NSUN6: variants seen among roughly 807,000 people sequenced by gnomAD.
NSUN6 encodes the protein tRNA (cytosine(72)-C(5))-methyltransferase NSUN6.
A neutral mutation model predicts 58.0 loss-of-function variants in NSUN6; 64 were observed. The observed-to-expected ratio is 1.10, with a 90% CI of 0.90 to 1.36. The LOEUF (loss-of-function observed/expected upper bound fraction) is 1.36. Ranked by LOEUF, NSUN6 falls within the 40% of genes most tolerant of loss-of-function variation. The probability of loss-of-function intolerance (pLI) is 0.00; values close to 1 mark genes in which losing one functional copy is unlikely to be tolerated. For missense variants in NSUN6, 701 were observed against 550.1 expected, an observed-to-expected ratio of 1.27 and a Z score of -2.74; for synonymous variants, 231 against 193.9, an observed-to-expected ratio of 1.19 and a Z score of -1.59.
At chr10:18,647,650 T>C (rs565933590) in intron 2 of NSUN6, among the ~76,000 whole-genome samples, 34 of 152,216 alleles carry the variant, frequency 2.2e-4, no homozygotes, top group South Asian at 4.1e-4. Flanking sequence ...TCTCATGCTG[T>C]TTTACATTGA....
intron 8 of NSUN6, among the ~76,000 whole-genome samples, chr10:18,582,976 C>T (rs1025822816): frequency 2.6e-5 from 4 of 152,162 alleles, no homozygotes; most frequent in African/African-American, 9.7e-5. Flanking sequence ...CGAAGCTCAG[C>T]CATTATAACC....
At chr10:18,620,774 C>A (rs893343873) in intron 3 of NSUN6, among the ~76,000 whole-genome samples, 6 of 152,242 alleles carry the variant, frequency 3.9e-5, no homozygotes, top group African/African-American at 1.4e-4. Flanking sequence ...TCATAACAGT[C>A]TGACTTGTAC....
chr10:18,654,702 A>C (rs1046644537), upstream of NSUN6: 1 of 152,092 alleles, frequency 6.6e-6, no homozygotes, highest in Non-Finnish European at 1.5e-5. Context: ...TCAATATGTA[A>C]AACCCCATCT....
intron 8 of NSUN6, among the ~76,000 whole-genome samples, chr10:18,576,892 A>C (rs1482070569): frequency 6.6e-6 from 1 of 152,212 alleles, no homozygotes; most frequent in African/African-American, 2.4e-5. Context: ...AACCAGAGGA[A>C]GAAAAAATAG....
chr10:18,555,157 G>A (rs1002039951), intron 8 of NSUN6, among the ~76,000 whole-genome samples: 1 of 149,076 alleles, frequency 6.7e-6, no homozygotes, highest in Non-Finnish European at 1.5e-5. Context: ...ATGGAATGGA[G>A]GATGGAATGG....
intron 8 of NSUN6, among the ~76,000 whole-genome samples, chr10:18,577,619 G>C (rs1467493566): frequency 6.6e-6 from 1 of 152,176 alleles, no homozygotes; most frequent in Non-Finnish European, 1.5e-5. Context: ...TGAAGAGAAA[G>C]AGCTATAAGG....
chr10:18,606,773 A>T (rs1272573089), intron 6 of NSUN6, among the ~76,000 whole-genome samples: 2 of 152,248 alleles, frequency 1.3e-5, no homozygotes, highest in African/African-American at 4.8e-5. Context: ...TTTATTAAAA[A>T]GAAAATCCAG....
chr10:18,579,599 G>C (rs1025965496), intron 8 of NSUN6, among the ~76,000 whole-genome samples: 1 of 152,212 alleles, frequency 6.6e-6, no homozygotes, highest in Non-Finnish European at 1.5e-5. Flanking sequence ...CCATGACACA[G>C]CCTCAGAAAG....
At chr10:18,578,115 T>C (rs1451507242) in intron 8 of NSUN6, among the ~76,000 whole-genome samples, 1 of 152,024 alleles carries the variant, frequency 6.6e-6, no homozygotes, top group African/African-American at 2.4e-5. Context: ...TATAACACAG[T>C]AAAGGCACAC....
chr10:18,568,849 C>A (rs1403239925), intron 8 of NSUN6, among the ~76,000 whole-genome samples: 1 of 7,412 alleles, frequency 1.3e-4, no homozygotes, highest in African/African-American at 6.7e-4. Context: ...TTCCATTCTA[C>A]ATTCAATTCC....
At chr10:18,596,349 C>A (rs373362340) in intron 6 of NSUN6, 22 bp from the exon 7 acceptor site, 301 of 1,499,114 alleles carry the variant, frequency 2.0e-4, no homozygotes, top group Non-Finnish European at 2.6e-4. Context: ...AAAATGTAAT[C>A]GATTATCAAT....
chr10:18,601,273 C>T (rs2057828406), intron 6 of NSUN6, among the ~76,000 whole-genome samples: 1 of 151,746 alleles, frequency 6.6e-6, no homozygotes. Context: ...GTATCTTTTT[C>T]CCTGTATTTT....
intron 2 of NSUN6, among the ~76,000 whole-genome samples, chr10:18,646,840 C>CA (rs921029932): frequency 6.6e-6 from 1 of 151,620 alleles, no homozygotes; most frequent in African/African-American, 2.4e-5. Flanking sequence ...CAAAACAAAA[C>CA]AAAAAAAATC....
In NSUN6 at chr10:18,594,187, G is replaced by A. The variant is rs143738992; in HGVS notation, c.777+2021C>T. Among the ~76,000 whole-genome samples, 1,174 of 140,520 alleles carry A rather than the reference G, an allele frequency of 8.4e-3. 5 individuals carry two copies. The highest frequency in any genetic ancestry group is 0.014 in the Non-Finnish European group (910 of 65,498). The allele number at this position is 140,520 out of a possible 152,430, so 92.2% of individuals were successfully genotyped here. The stretch of plus-strand genomic sequence containing the variant: ...GGTGCACTCCAGCCTCAGCGACAGA[G>A]CAAGACTCTGAGAAAAAAAAAAAAA... On this transcript the variant is annotated intron_variant, in intron 7 of 10. Transcript: ENST00000377304.
chr10:18,617,977 T>C (rs1190334867), intron 3 of NSUN6, among the ~76,000 whole-genome samples: 1 of 152,214 alleles, frequency 6.6e-6, no homozygotes. Flanking sequence ...AACAAATTTA[T>C]GTTCTTTATA....
rs2059695126 is a variant in NSUN6 at position 18,651,206 on chromosome 10, T to C, written c.-3A>G. On this transcript the variant is annotated 5_prime_UTR_variant, in exon 1 of 11. Transcript: ENST00000377304. Reference sequence around the variant, plus strand: ...GATATCTTAGGGAAAATAGACATTTTTCCTGTTGTTTAGTTCTCCACCAAG... The same window carrying C: ...GATATCTTAGGGAAAATAGACATTTCTCCTGTTGTTTAGTTCTCCACCAAG... 2 of 1,557,462 alleles carry C rather than the reference T, an allele frequency of 1.3e-6. No individual in the cohort carries two copies. Among genetic ancestry groups the C allele is most frequent in the African/African-American group, 1.4e-5 (1 of 71,004 alleles).
chr10:18,619,320 T>TA (rs1245852144), intron 3 of NSUN6, among the ~76,000 whole-genome samples: 5 of 152,226 alleles, frequency 3.3e-5, no homozygotes, highest in Non-Finnish European at 5.9e-5. Flanking sequence ...GGAGGGAACT[T>TA]ACGGCTGCGC....
At chr10:18,631,103 C>G (rs915202568) in intron 3 of NSUN6, among the ~76,000 whole-genome samples, 7 of 152,032 alleles carry the variant, frequency 4.6e-5, no homozygotes, top group African/African-American at 1.2e-4. Flanking sequence ...TTCATTATAC[C>G]CAAATCAATA....
intron 10 of NSUN6, among the ~76,000 whole-genome samples, chr10:18,546,983 G>GA (rs1449130939): frequency 1.3e-5 from 2 of 152,070 alleles, no homozygotes; most frequent in African/African-American, 2.4e-5. Flanking sequence ...GAAAGCAACA[G>GA]AAAAAATTCA....
Sources: gnomAD v4.1 joint callset for allele counts (sites outside exome capture counted in the v4.1 genomes callset) on GRCh38, gnomAD v4.1.1 for gene constraint, MANE v1.5 for transcripts, NCBI Gene and HGNC (gene_info 2026-07-23, HGNC 2026-07-21) for gene names.